AP1M1: variants seen among roughly 807,000 people sequenced by gnomAD.
The protein encoded by AP1M1 is adaptor related protein complex 1 subunit mu 1.
In AP1M1, 18 loss-of-function variants were observed where a neutral mutation model predicts 57.1. That is an observed-to-expected ratio of 0.32 (90% CI 0.22 to 0.47). AP1M1 has a LOEUF of 0.47. AP1M1 is among the 20% of genes least tolerant of loss of function. AP1M1 has a pLI of 1.00. For missense variants in AP1M1, 362 were observed against 593.5 expected, an observed-to-expected ratio of 0.61 and a Z score of 4.05; for synonymous variants, 241 against 237.9, an observed-to-expected ratio of 1.01 and a Z score of -0.12.
In AP1M1 at chr19:16,236,651, CCT is replaced by C. The variant is rs2091626049; in HGVS notation, c.*2223_*2224del. On this transcript the variant is annotated 3_prime_UTR_variant, in exon 12 of 12. Coordinates refer to ENST00000291439, the MANE Select transcript of AP1M1 (RefSeq NM_032493.4). ...CCACCCCTGAGAATAAGCACTGTGT[CCT>C]CTCTCTGCCTGAGATCCACAGGAGA... is the stretch of plus-strand genomic sequence containing the variant. 2 of 152,190 alleles carry C rather than the reference CCT, an allele frequency of 1.3e-5. No homozygotes were observed. Among genetic ancestry groups the C allele is most frequent in the Non-Finnish European group, 2.9e-5 (2 of 68,042 alleles). 9.4% of individuals were successfully genotyped at this position (152,190 alleles called of 1,614,324 possible).
intron 5 of AP1M1, among the ~76,000 whole-genome samples, chr19:16,211,276 T>A (rs2091492329): frequency 6.6e-6 from 1 of 152,086 alleles, no homozygotes; most frequent in Admixed American, 6.6e-5. Flanking sequence ...GTATTTTTAG[T>A]CGAGACAGGG....
At chr19:16,205,357 G>A (rs549675775) in intron 2 of AP1M1, among the ~76,000 whole-genome samples, 147 of 152,282 alleles carry the variant, frequency 9.7e-4, no homozygotes, top group African/African-American at 3.3e-3. Flanking sequence ...CAGCAAGGCC[G>A]TGGCTGAGAG....
In AP1M1 at chr19:16,206,437, T is replaced by C; in HGVS notation, c.267+29T>C. ...AGTCTCGCTCGGAGGGGCCGTGGGC[T>C]TGGGTGGAGGTTGTCTTGGCTCTGC... On this transcript the variant is annotated intron_variant, in intron 3 of 11. Coordinates refer to ENST00000291439, the MANE Select transcript of AP1M1 (RefSeq NM_032493.4). This position sits in a 1 kb window ranked among gnomAD's most constrained non-coding sequence, Gnocchi z 4.3. 6.2e-7 allele frequency: 1 copy of C among 1,612,732 alleles called. No individual in the cohort carries two copies. The highest frequency in any genetic ancestry group is 8.5e-7 in the Non-Finnish European group (1 of 1,179,030).
Position 16,234,592 on chromosome 19 carries a change from T to A in AP1M1, c.*157T>A, listed in dbSNP as rs574898945. On this transcript the variant is annotated 3_prime_UTR_variant, in exon 12 of 12. Transcript: ENST00000291439. ...CCTGCCTTCCCCAGGCCATCTGCTC[T>A]GCCGTCGACACTCGTCTCAGAAGCC... 12 of 844,926 alleles carry A rather than the reference T, an allele frequency of 1.4e-5. No individual in the cohort carries two copies. Among genetic ancestry groups the A allele is most frequent in the Admixed American group, 7.4e-5 (3 of 40,582 alleles). 52.3% of individuals were successfully genotyped at this position (844,926 alleles called of 1,614,324 possible).
chr19:16,197,975 T>TCGCTGCCGCCGCCACTGCCCTCGGC lies in AP1M1; in HGVS notation c.-37_-36insTGCCCTCGGCCGCTGCCGCCGCCAC. 9 of 1,451,812 alleles carry TCGCTGCCGCCGCCACTGCCCTCGGC rather than the reference T, an allele frequency of 6.2e-6. No homozygotes were observed. Among genetic ancestry groups the TCGCTGCCGCCGCCACTGCCCTCGGC allele is most frequent in the Admixed American group, 2.4e-5 (1 of 42,448 alleles). The allele number at this position is 1,451,812 out of a possible 1,614,324, so 89.9% of individuals were successfully genotyped here. ...GCTCAACGCCCAGCAGTCCCCACCGTCGCTGCCGCCGCCACCGCCCTCGGC... is the reference window on the plus strand; with the variant it reads ...GCTCAACGCCCAGCAGTCCCCACCGTCGCTGCCGCCGCCACTGCCCTCGGCCGCTGCCGCCGCCACCGCCCTCGGC... On this transcript the variant is annotated 5_prime_UTR_variant, in exon 1 of 12. Coordinates refer to ENST00000291439, the MANE Select transcript of AP1M1 (RefSeq NM_032493.4).
chr19:16,213,156 G>C (rs1482816802), intron 5 of AP1M1, among the ~76,000 whole-genome samples: 1 of 152,112 alleles, frequency 6.6e-6, no homozygotes, highest in Non-Finnish European at 1.5e-5. Context: ...ATAATTTTCT[G>C]CCCCAGTGAT....
chr19:16,202,666 C>G lies in AP1M1; in HGVS notation c.43-793C>G, dbSNP rs116952315. Among the ~76,000 whole-genome samples, 78 of 152,348 alleles carry G rather than the reference C, an allele frequency of 5.1e-4. 1 individual carries two copies. In the East Asian group the frequency reaches 0.013, roughly 25 times the overall value. On this transcript the variant is annotated intron_variant, in intron 1 of 11. Transcript: ENST00000291439. ...TGCGCCTGTGTATCGGGAGTCCGAT[C>G]CCTTCCGTTGCTGAGGCATGCTTCT...
chr19:16,234,571 C>T lies in AP1M1; in HGVS notation c.*136C>T. On this transcript the variant is annotated 3_prime_UTR_variant, in exon 12 of 12. Transcript: ENST00000291439. The stretch of plus-strand genomic sequence containing the variant: ...CCCAGCCTCTGCCCAGGGACCCCTG[C>T]CTTCCCCAGGCCATCTGCTCTGCCG... 4.4e-6 allele frequency: 5 copies of T among 1,132,646 alleles called. No homozygotes were observed. The highest frequency in any genetic ancestry group is 1.3e-6 in the Non-Finnish European group (1 of 781,486). 70.2% of individuals were successfully genotyped at this position (1,132,646 alleles called of 1,614,324 possible). A position where few individuals can be genotyped will look rare whatever the true frequency, so the allele number is the denominator to read the frequency against.
In AP1M1 at chr19:16,203,733, A is replaced by G. The variant is rs1428631336; in HGVS notation, c.199+118A>G. On this transcript the variant is annotated intron_variant, in intron 2 of 11. Transcript: ENST00000291439. This position sits in a 1 kb window ranked among gnomAD's most constrained non-coding sequence, Gnocchi z 4.6. ...CACAGCGCAAGCATTGGACACAGCC[A>G]TGCCCTCCTGGAGCTCCCTGCTGCC... The G allele has an allele frequency of 1.8e-6, 2 of 1,129,926 alleles. No homozygotes were observed. The highest frequency in any genetic ancestry group is 1.6e-5 in the African/African-American group (1 of 63,818). The allele number at this position is 1,129,926 out of a possible 1,614,324, so 70.0% of individuals were successfully genotyped here.
At chr19:16,222,632 G>A (rs1225435633) in intron 5 of AP1M1, among the ~76,000 whole-genome samples, 1 of 152,006 alleles carries the variant, frequency 6.6e-6, no homozygotes, top group African/African-American at 2.4e-5. Context: ...TTTTGAGACA[G>A]GGTCTTACTC....
intron 1 of AP1M1, among the ~76,000 whole-genome samples, chr19:16,202,501 AC>A: frequency 6.6e-6 from 1 of 152,134 alleles, no homozygotes; most frequent in Middle Eastern, 3.4e-3. Context: ...GCTTCTTCAC[AC>A]CCCTTTGCTG....
At position 16,239,056 on chromosome 19, in the gene AP1M1, C is replaced by CCTGAGTAG. The variant is rs2091635499; in HGVS notation, c.*4627_*4634dup. 6.6e-6 allele frequency: 1 copy of CCTGAGTAG among 151,776 alleles called. No homozygotes were observed. The allele number at this position is 151,776 out of a possible 1,614,324, so 9.4% of individuals were successfully genotyped here. Reference sequence around the variant, plus strand: ...TCAAGCAATTCTCCTGCCTCATCCTCCTGAGTAGCTGAGATTACAGGCATG... The same window carrying CCTGAGTAG: ...TCAAGCAATTCTCCTGCCTCATCCTCCTGAGTAGCTGAGTAGCTGAGATTACAGGCATG... On this transcript the variant is annotated 3_prime_UTR_variant, in exon 12 of 12. Coordinates refer to ENST00000291439, the MANE Select transcript of AP1M1 (RefSeq NM_032493.4).
intron 1 of AP1M1, among the ~76,000 whole-genome samples, chr19:16,201,700 G>A (rs930130573): frequency 5.9e-5 from 9 of 152,148 alleles, no homozygotes; most frequent in South Asian, 4.1e-4. Context: ...GCCCAGCTGG[G>A]AGGACTTCCT....
At chr19:16,211,149 C>T (rs1258218513) in intron 5 of AP1M1, among the ~76,000 whole-genome samples, 2 of 494 alleles carry the variant, frequency 4.0e-3, no homozygotes, top group Non-Finnish European at 0.018. Context: ...GGCTGTAGTA[C>T]AAGTGGCATG....
chr19:16,227,739 T>C lies in AP1M1; in HGVS notation c.816+49T>C. 6.3e-7 allele frequency: 1 copy of C among 1,593,540 alleles called. No homozygotes were observed. The highest frequency in any genetic ancestry group is 8.6e-7 in the Non-Finnish European group (1 of 1,166,880). On this transcript the variant is annotated intron_variant, in intron 7 of 11. Coordinates refer to ENST00000291439, the MANE Select transcript of AP1M1 (RefSeq NM_032493.4). This position sits in a 1 kb window ranked among gnomAD's most constrained non-coding sequence, Gnocchi z 6.2. ...GGCTGTCGGCAGACTCCTCCTCCCC[T>C]TCACCTCCAGGAGGTGAAGCCCAGG... is the stretch of plus-strand genomic sequence containing the variant.
intron 1 of AP1M1, among the ~76,000 whole-genome samples, chr19:16,199,130 GT>G (rs1049314437): frequency 9.9e-5 from 15 of 152,090 alleles, no homozygotes; most frequent in African/African-American, 3.4e-4. Flanking sequence ...TTCTTACGGT[GT>G]TCACAGGCTG....
Position 16,227,463 on chromosome 19 carries a change from CG to C in AP1M1, c.674-81del. 1 of 1,503,374 alleles carries C rather than the reference CG, an allele frequency of 6.7e-7. No homozygotes were observed. The highest frequency in any genetic ancestry group is 9.1e-7 in the Non-Finnish European group (1 of 1,094,830). 93.1% of individuals were successfully genotyped at this position (1,503,374 alleles called of 1,614,324 possible). A position where few individuals can be genotyped will look rare whatever the true frequency, so the allele number is the denominator to read the frequency against. On this transcript the variant is annotated intron_variant, in intron 6 of 11. Transcript: ENST00000291439. This position sits in a 1 kb window ranked among gnomAD's most constrained non-coding sequence, Gnocchi z 6.2. The stretch of plus-strand genomic sequence containing the variant: ...GCGTGGACTGGGGGCCCTGCTCTGC[CG>C]GGGTGGGTTGCAGGTGGTAGGAGTA...
chr19:16,198,298 C>T (rs1225142419), intron 1 of AP1M1: 6 of 319,498 alleles, frequency 1.9e-5, no homozygotes, highest in African/African-American at 1.3e-4. Context: ...CTGCAGCCAC[C>T]GCGTTGCCAG....
chr19:16,211,621 G>C (rs772375766), intron 5 of AP1M1, among the ~76,000 whole-genome samples: 1 of 151,936 alleles, frequency 6.6e-6, no homozygotes, highest in Non-Finnish European at 1.5e-5. Flanking sequence ...GTGGTGATGC[G>C]CGCCTGTAAT....
Sources: allele counts gnomAD v4.1 joint callset (sites outside exome capture counted in the v4.1 genomes callset), GRCh38; gene constraint gnomAD v4.1.1; non-coding constraint Gnocchi (gnomAD v3.1); transcripts MANE v1.5; gene names NCBI Gene and HGNC (gene_info 2026-07-23, HGNC 2026-07-21).